Variants in UNC5C observed in about 807,000 individuals in gnomAD.
UNC5C encodes netrin receptor UNC5C.
A neutral mutation model predicts 99.8 loss-of-function variants in UNC5C; 47 were observed. That is an observed-to-expected ratio of 0.47 (90% CI 0.37 to 0.60). The LOEUF is 0.60. Among genes scored for constraint, UNC5C ranks in the 20% least tolerant of loss-of-function variants. UNC5C has a pLI of 0.00. For missense variants in UNC5C, 1,062 were observed against 1,165.9 expected (o/e 0.91, Z 1.30); for synonymous variants, 487 against 452.2 (o/e 1.08, Z -0.98).
At chr4:95,261,063 C>G (rs943242832) in intron 4 of UNC5C, among the ~76,000 whole-genome samples, 1 of 152,102 alleles carries the variant, frequency 6.6e-6, no homozygotes, top group African/African-American at 2.4e-5. Context: ...TCTTTTCTGT[C>G]CATAAAACCA....
At chr4:95,392,427 A>T (rs543888399) in intron 1 of UNC5C, among the ~76,000 whole-genome samples, 2,582 of 75,828 alleles carry the variant, frequency 0.034, 40 homozygotes, top group South Asian at 0.047. Context: ...GAAGTATCAA[A>T]ACATTTTTTT....
At chr4:95,283,092 A>T (rs962816272) in intron 3 of UNC5C, among the ~76,000 whole-genome samples, 8 of 152,162 alleles carry the variant, frequency 5.3e-5, no homozygotes, top group Non-Finnish European at 8.8e-5. Flanking sequence ...AGGTGACAGA[A>T]GTTAGTAGCA....
chr4:95,288,219 A>T (rs1275153513), intron 3 of UNC5C, among the ~76,000 whole-genome samples: 3 of 151,972 alleles, frequency 2.0e-5, no homozygotes, highest in Non-Finnish European at 4.4e-5. Context: ...AGTAGCTGGG[A>T]CTACAGGCAC....
chr4:95,398,131 T>G (rs76548908), intron 1 of UNC5C, among the ~76,000 whole-genome samples: 6,570 of 147,182 alleles, frequency 0.045, 258 homozygotes, highest in East Asian at 0.19. Flanking sequence ...AAAATTTATA[T>G]CATTAAACAC....
At chr4:95,206,507 T>A in intron 11 of UNC5C, 121 bp downstream of exon 11, 1 of 1,428,126 alleles carries the variant, frequency 7.0e-7, no homozygotes. Context: ...CTCTCTCATT[T>A]TGAGGGTGAG....
chr4:95,200,848 T>C (rs900456824), intron 12 of UNC5C, among the ~76,000 whole-genome samples: 6 of 152,162 alleles, frequency 3.9e-5, no homozygotes, highest in Non-Finnish European at 5.9e-5. Flanking sequence ...GTCACTGTTA[T>C]GGAGTGATAT....
intron 12 of UNC5C, among the ~76,000 whole-genome samples, chr4:95,192,087 A>T: frequency 1.4e-5 from 1 of 70,878 alleles, no homozygotes; most frequent in Non-Finnish European, 2.7e-5. Context: ...TCCTTTGCTC[A>T]CCTTCCTCCC....
rs538125700 is a variant in UNC5C, at chr4:95,521,503, C to T, written c.124+27231G>A. 2.0e-4 allele frequency among the ~76,000 whole-genome samples: 30 copies of T among 152,196 alleles called. No individual in the cohort carries two copies. The South Asian group carries it at 6.2e-3, about 32-fold the overall frequency. ...AAAGTGCTGGGATTACAGGCATGAG[C>T]CTCCACGCCTGGCCTCTTCTTCTTT... On this transcript the variant is annotated intron_variant, in intron 1 of 15. Transcript: ENST00000453304.
At chr4:95,274,592 G>GGGCCTTACT (rs1422234632) in intron 4 of UNC5C, among the ~76,000 whole-genome samples, 1 of 151,266 alleles carries the variant, frequency 6.6e-6, no homozygotes, top group Non-Finnish European at 1.5e-5. Context: ...GACTTACTTT[G>GGGCCTTACT]TCACACTCTT....
rs535993180 is a variant in UNC5C, at chr4:95,344,886, GAAA to G, written c.125-9258_125-9256del. Among the ~76,000 whole-genome samples the G allele has an allele frequency of 2.1e-4, 32 of 151,868 alleles. No individual in the cohort carries two copies. In the East Asian group the frequency reaches 6.2e-3, roughly 29 times the overall value. ...AAGAAATTTAAAAATGCCAACTGAG[GAAA>G]AAACCTTCACTAAAAGGAAGACAGG... On this transcript the variant is annotated intron_variant, in intron 1 of 15. Transcript: ENST00000453304.
intron 1 of UNC5C, among the ~76,000 whole-genome samples, chr4:95,493,558 A>C (rs773546952): frequency 6.6e-6 from 1 of 151,342 alleles, no homozygotes; most frequent in Non-Finnish European, 1.5e-5. Flanking sequence ...AATTTTTTTT[A>C]ATCTGGGAAA....
chr4:95,395,504 A>G (rs1275872077), intron 1 of UNC5C, among the ~76,000 whole-genome samples: 1 of 152,214 alleles, frequency 6.6e-6, no homozygotes, highest in Non-Finnish European at 1.5e-5. Context: ...CCTCCCAGAC[A>G]CTAAGGGTAT....
intron 7 of UNC5C, among the ~76,000 whole-genome samples, chr4:95,226,913 A>C (rs758180529): frequency 1.3e-5 from 2 of 152,064 alleles, no homozygotes. Flanking sequence ...GCAATGAAAG[A>C]AACAATCTTG....
intron 4 of UNC5C, among the ~76,000 whole-genome samples, chr4:95,254,387 C>T (rs1402416329): frequency 1.3e-5 from 2 of 152,118 alleles, no homozygotes; most frequent in African/African-American, 2.4e-5. Flanking sequence ...ATGTGGAAAA[C>T]ATTTGTAATA....
intron 11 of UNC5C, 101 bp from the exon 12 acceptor site, chr4:95,203,065 C>A: frequency 9.8e-7 from 1 of 1,019,836 alleles, no homozygotes. Flanking sequence ...CTATCCTTTA[C>A]TTGGTCTTTT....
chr4:95,263,288 A>T (rs1454687511), intron 4 of UNC5C, among the ~76,000 whole-genome samples: 5 of 152,070 alleles, frequency 3.3e-5, no homozygotes, highest in Non-Finnish European at 7.4e-5. Flanking sequence ...CCACTATTTA[A>T]TTTTTTTGAT....
At chr4:95,325,970 G>A (rs2149415409) in intron 2 of UNC5C, among the ~76,000 whole-genome samples, 1 of 152,182 alleles carries the variant, frequency 6.6e-6, no homozygotes, top group South Asian at 2.1e-4. Flanking sequence ...AGTAGTTATG[G>A]TAAAATTTAG....
intron 1 of UNC5C, among the ~76,000 whole-genome samples, chr4:95,365,844 G>T (rs1744546460): frequency 6.6e-6 from 1 of 152,034 alleles, no homozygotes; most frequent in Non-Finnish European, 1.5e-5. Flanking sequence ...CATCTACCAG[G>T]TGTTATTTTC....
chr4:95,171,236 ATTT>A (rs1736089798), intron 14 of UNC5C, among the ~76,000 whole-genome samples: 1 of 150,798 alleles, frequency 6.6e-6, no homozygotes, highest in South Asian at 2.1e-4. Flanking sequence ...TTTTTTATTT[ATTT>A]ATTATTATTA....
Sources: gnomAD v4.1 joint callset for allele counts (sites outside exome capture counted in the v4.1 genomes callset) on GRCh38, gnomAD v4.1.1 for gene constraint, MANE v1.5 for transcripts, NCBI Gene and HGNC (gene_info 2026-07-23, HGNC 2026-07-21) for gene names.